ARID2: variants seen among roughly 807,000 people sequenced by gnomAD.
The protein encoded by ARID2 is AT-rich interactive domain-containing protein 2.
In ARID2, 32 loss-of-function variants were observed where a neutral mutation model predicts 184.6. The observed-to-expected ratio is 0.17, with a 90% CI of 0.13 to 0.23. The LOEUF is 0.23. Among genes scored for constraint, ARID2 ranks in the 10% least tolerant of loss-of-function variants. The pLI is 1.00. For missense variants in ARID2, 1,696 were observed against 2,197.6 expected, an observed-to-expected ratio of 0.77 and a Z score of 4.56; for synonymous variants, 836 against 772.6, an observed-to-expected ratio of 1.08 and a Z score of -1.36.
chr12:45,826,448 C>T (rs1943002860), intron 6 of ARID2, among the ~76,000 whole-genome samples: 1 of 152,018 alleles, frequency 6.6e-6, no homozygotes, highest in African/African-American at 2.4e-5. Context: ...TTGAGACAGT[C>T]TTACTCTTAT....
chr12:45,827,372 GA>G (rs1424643511), intron 6 of ARID2, among the ~76,000 whole-genome samples: 2 of 151,896 alleles, frequency 1.3e-5, no homozygotes, highest in African/African-American at 2.4e-5. Flanking sequence ...TTATTTCAGA[GA>G]AAAAAATACT....
At chr12:45,873,097 G>A (rs1943950934) in intron 16 of ARID2, among the ~76,000 whole-genome samples, 1 of 152,192 alleles carries the variant, frequency 6.6e-6, no homozygotes, top group African/African-American at 2.4e-5. Context: ...TCTTGGAGAA[G>A]ATTGTTAGGT....
At chr12:45,779,170 T>G (rs1006725550) in intron 3 of ARID2, among the ~76,000 whole-genome samples, 1 of 152,070 alleles carries the variant, frequency 6.6e-6, no homozygotes, top group Non-Finnish European at 1.5e-5. Context: ...TCTGTAAATC[T>G]TTTATCTGTG....
chr12:45,796,345 A>C (rs1318299459), intron 3 of ARID2, among the ~76,000 whole-genome samples: 1 of 152,130 alleles, frequency 6.6e-6, no homozygotes, highest in Admixed American at 6.5e-5. Flanking sequence ...CTTTTCTTGC[A>C]TAAAAACTTA....
At chr12:45,801,884 A>G (rs1942509427) in intron 3 of ARID2, among the ~76,000 whole-genome samples, 1 of 152,182 alleles carries the variant, frequency 6.6e-6, no homozygotes, top group African/African-American at 2.4e-5. Context: ...GATCTGGATG[A>G]AGGATAAATG....
At chr12:45,777,791 T>C (rs1028419998) in intron 3 of ARID2, among the ~76,000 whole-genome samples, 1 of 147,950 alleles carries the variant, frequency 6.8e-6, no homozygotes, top group Non-Finnish European at 1.5e-5. Flanking sequence ...TTATATTTTT[T>C]ATATAAATAT....
intron 16 of ARID2, among the ~76,000 whole-genome samples, chr12:45,865,420 C>A (rs984301041): frequency 6.6e-6 from 1 of 151,982 alleles, no homozygotes. Context: ...AAATGATTGT[C>A]TTTTTACAAT....
At chr12:45,775,100 C>G (rs969906226) in intron 3 of ARID2, among the ~76,000 whole-genome samples, 1 of 152,124 alleles carries the variant, frequency 6.6e-6, no homozygotes, top group African/African-American at 2.4e-5. Flanking sequence ...ATGAGAAACC[C>G]TGGCCTGGAG....
intron 3 of ARID2, among the ~76,000 whole-genome samples, chr12:45,782,342 C>A (rs550433614): frequency 1.3e-5 from 2 of 152,046 alleles, no homozygotes; most frequent in South Asian, 2.1e-4. Flanking sequence ...ATTTAAACAT[C>A]TGAATCAAGC....
chr12:45,760,608 A>G (rs1941658297), intron 3 of ARID2, among the ~76,000 whole-genome samples: 1 of 152,132 alleles, frequency 6.6e-6, no homozygotes, highest in African/African-American at 2.4e-5. Flanking sequence ...GTATCTATAC[A>G]TAAGTTGTTG....
Position 45,846,853 on chromosome 12 carries a change from T to C in ARID2, c.1499-3T>C. The C allele has an allele frequency of 6.2e-7, 1 of 1,612,182 alleles. No individual in the cohort carries two copies. The highest frequency in any genetic ancestry group is 8.5e-7 in the Non-Finnish European group (1 of 1,178,978). On this transcript the variant is annotated splice_polypyrimidine_tract_variant and splice_region_variant and intron_variant, in intron 11 of 20. Transcript: ENST00000334344. Reference sequence around the variant, plus strand: ...GATGTAGCTAATGTATTTTTTTCTTTAGCTTCCAGAGCAGTTGTAGCGCAG... The same window carrying C: ...GATGTAGCTAATGTATTTTTTTCTTCAGCTTCCAGAGCAGTTGTAGCGCAG...
chr12:45,892,853 A>C (rs1006182114), intron 18 of ARID2, among the ~76,000 whole-genome samples: 1 of 152,174 alleles, frequency 6.6e-6, no homozygotes, highest in African/African-American at 2.4e-5. Flanking sequence ...TAACAGAACT[A>C]TAGTGAAAGG....
intron 3 of ARID2, among the ~76,000 whole-genome samples, chr12:45,791,258 T>C (rs570363996): frequency 6.6e-6 from 1 of 152,170 alleles, no homozygotes; most frequent in Admixed American, 6.5e-5. Flanking sequence ...TGGTATGAAG[T>C]AGTAGCTGTG....
intron 3 of ARID2, among the ~76,000 whole-genome samples, chr12:45,747,838 CCTAT>C (rs1279060758): frequency 6.6e-6 from 1 of 151,998 alleles, no homozygotes; most frequent in Non-Finnish European, 1.5e-5. Context: ...CTAATGTCTC[CCTAT>C]CTGTCTTCAC....
chr12:45,902,980 CAT>C (rs1256310547), intron 20 of ARID2, among the ~76,000 whole-genome samples: 2 of 152,056 alleles, frequency 1.3e-5, no homozygotes, highest in Non-Finnish European at 2.9e-5. Context: ...CTGAACCACT[CAT>C]ATAACTATCT....
At chr12:45,799,764 T>C (rs755243519) in intron 3 of ARID2, among the ~76,000 whole-genome samples, 4 of 152,100 alleles carry the variant, frequency 2.6e-5, no homozygotes, top group South Asian at 2.1e-4. Flanking sequence ...CCAAAAGATA[T>C]AGAAAACAAA....
chr12:45,791,337 T>G (rs1190447695), intron 3 of ARID2, among the ~76,000 whole-genome samples: 3 of 152,234 alleles, frequency 2.0e-5, no homozygotes, highest in Non-Finnish European at 2.9e-5. Context: ...ATATGATTTG[T>G]CTTCCATATT....
intron 3 of ARID2, among the ~76,000 whole-genome samples, chr12:45,795,160 G>C (rs928315824): frequency 1.3e-5 from 2 of 151,962 alleles, no homozygotes; most frequent in Non-Finnish European, 2.9e-5. Context: ...TATTTATGAA[G>C]GGTGATATTT....
intron 15 of ARID2, among the ~76,000 whole-genome samples, chr12:45,855,978 G>T (rs552644250): frequency 7.4e-4 from 113 of 151,750 alleles, no homozygotes; most frequent in African/African-American, 2.6e-3. Context: ...TGATCCCCGC[G>T]CCTTGGCCTC....
Sources: gnomAD v4.1 joint callset for allele counts (sites outside exome capture counted in the v4.1 genomes callset) on GRCh38, gnomAD v4.1.1 for gene constraint, MANE v1.5 for transcripts, NCBI Gene and HGNC (gene_info 2026-07-23, HGNC 2026-07-21) for gene names.